Variants in DAGLA observed in about 807,000 individuals in gnomAD.
The protein encoded by DAGLA is diacylglycerol lipase-alpha.
A neutral mutation model predicts 102.6 loss-of-function variants in DAGLA; 22 were observed. The ratio of observed to expected loss-of-function variants is 0.21; its 90% CI spans 0.15 to 0.31. The LOEUF (loss-of-function observed/expected upper bound fraction) is 0.31. DAGLA is among the 10% of genes least tolerant of loss of function. The pLI is 1.00. For missense variants in DAGLA, 927 were observed against 1,446.6 expected, an observed-to-expected ratio of 0.64 and a Z score of 5.83; for synonymous variants, 578 against 628.9, an observed-to-expected ratio of 0.92 and a Z score of 1.21.
chr11:61,690,028 C>A (rs1038694863), intron 1 of DAGLA, among the ~76,000 whole-genome samples: 3 of 152,138 alleles, frequency 2.0e-5, no homozygotes, highest in African/African-American at 7.2e-5. Context: ...AATGGGAGTG[C>A]AGCCCACCGG....
At chr11:61,701,124 C>T (rs577598531) in intron 1 of DAGLA, among the ~76,000 whole-genome samples, 3 of 152,246 alleles carry the variant, frequency 2.0e-5, no homozygotes, top group African/African-American at 7.2e-5. Flanking sequence ...CCTGGATTCT[C>T]TGACACCAAG....
chr11:61,693,022 T>C (rs1482266444), intron 1 of DAGLA, among the ~76,000 whole-genome samples: 2 of 151,798 alleles, frequency 1.3e-5, no homozygotes, highest in African/African-American at 4.8e-5. Context: ...CTATTTTTTT[T>C]TTTTTTGGTG....
At chr11:61,711,240 G>T (rs1419642031) in intron 1 of DAGLA, among the ~76,000 whole-genome samples, 2 of 152,194 alleles carry the variant, frequency 1.3e-5, no homozygotes, top group Admixed American at 6.5e-5. Context: ...CGGCCTTTGC[G>T]TGAGGGCTTG....
At chr11:61,738,057 C>A in intron 15 of DAGLA, 78 bp from the exon 16 acceptor site, 1 of 1,168,506 alleles carries the variant, frequency 8.6e-7, no homozygotes, top group Non-Finnish European at 1.3e-6. Context: ...CGTGTGCCTG[C>A]CCCTCCGCCC....
intron 5 of DAGLA, 83 bp downstream of exon 5, chr11:61,723,655 C>A: frequency 6.5e-7 from 1 of 1,537,564 alleles, no homozygotes. Context: ...AGAAGGCTAC[C>A]CCAGGCCTCC....
intron 1 of DAGLA, among the ~76,000 whole-genome samples, chr11:61,709,002 C>G (rs1263561796): frequency 6.6e-6 from 1 of 152,172 alleles, no homozygotes; most frequent in Non-Finnish European, 1.5e-5. Context: ...AGGCCCAGGT[C>G]TCTAAGCTTC....
Position 61,743,793 on chromosome 11 carries a change from T to G in DAGLA, c.2433T>G (p.Ala811=). The G allele has an allele frequency of 2.5e-6, 4 of 1,612,542 alleles. No homozygotes were observed. Among genetic ancestry groups the G allele is most frequent in the Non-Finnish European group, 3.4e-6 (4 of 1,179,934 alleles). Reference sequence around the variant, plus strand: ...TCCGGGGCTCCCCCAGCCTCCACGCTGTGCTGGAGCGTGATGAAGGCCACC... The same window carrying G: ...TCCGGGGCTCCCCCAGCCTCCACGCGGTGCTGGAGCGTGATGAAGGCCACC... ...RSIRGSPSLH[A]VLERDEGHLF... is the part of the protein sequence containing the mutation. Residue 811 remains alanine (A), a synonymous_variant, in exon 20 of 20, where the codon GCT becomes GCG. Transcript: ENST00000257215.
At chr11:61,739,760 G>T in intron 17 of DAGLA, 99 bp downstream of exon 17, 1 of 1,283,916 alleles carries the variant, frequency 7.8e-7, no homozygotes, top group East Asian at 2.5e-5. Flanking sequence ...TCGGGGCTGG[G>T]GGTGGAGGCT....
At chr11:61,692,909 G>T (rs906872467) in intron 1 of DAGLA, among the ~76,000 whole-genome samples, 4 of 151,710 alleles carry the variant, frequency 2.6e-5, no homozygotes, top group African/African-American at 9.7e-5. Context: ...ATGCCGAATG[G>T]TCCCACAATT....
intron 5 of DAGLA, among the ~76,000 whole-genome samples, chr11:61,725,396 G>A (rs2065316964): frequency 6.6e-6 from 1 of 152,158 alleles, no homozygotes; most frequent in Admixed American, 6.5e-5. Context: ...TGGGTGAGGG[G>A]TAGAGCCCTC....
intron 16 of DAGLA, 66 bp downstream of exon 16, chr11:61,738,273 G>A (rs541294185): frequency 1.8e-5 from 25 of 1,369,388 alleles, no homozygotes; most frequent in South Asian, 9.7e-5. Context: ...GACCCCCACC[G>A]GTTTCTTGGG....
In DAGLA at chr11:61,738,186, G is replaced by T. The variant is rs753217078; in HGVS notation, c.1635G>T (p.Leu545=). 9.3e-6 allele frequency: 15 copies of T among 1,613,006 alleles called. No homozygotes were observed. Among genetic ancestry groups the T allele is most frequent in the Non-Finnish European group, 1.3e-5 (15 of 1,179,982 alleles). Residue 545 remains leucine, a synonymous_variant, in exon 16 of 20, where the codon CTG becomes CTT. Coordinates refer to ENST00000257215, the MANE Select transcript of DAGLA (RefSeq NM_006133.3). ...TCCGCAGACAGCTCCTGGATGTCCT[G>T]CAGCGAAGCACCAAGCCCAAAGTGA... ...EGFRRQLLDV[L]QRSTKPKWRI...
At chr11:61,740,700 G>C in intron 18 of DAGLA, 108 bp downstream of exon 18, 1 of 1,445,102 alleles carries the variant, frequency 6.9e-7, no homozygotes, top group African/African-American at 1.4e-5. Context: ...CAAGGGTGCT[G>C]GGGCTCAGAG....
chr11:61,706,931 C>G (rs1416727988), intron 1 of DAGLA, among the ~76,000 whole-genome samples: 4 of 152,280 alleles, frequency 2.6e-5, no homozygotes, highest in Non-Finnish European at 5.9e-5. Flanking sequence ...CACTGCTGGT[C>G]TCTCTCAGAC....
chr11:61,701,500 G>A (rs569532167), intron 1 of DAGLA, among the ~76,000 whole-genome samples: 53 of 152,358 alleles, frequency 3.5e-4, no homozygotes, highest in African/African-American at 7.0e-4. Flanking sequence ...GAAAGCAGCC[G>A]GGATTCGATG....
At chr11:61,698,719 G>T (rs956708050) in intron 1 of DAGLA, among the ~76,000 whole-genome samples, 1 of 152,210 alleles carries the variant, frequency 6.6e-6, no homozygotes, top group Non-Finnish European at 1.5e-5. Flanking sequence ...TTGAGCAGCT[G>T]CTAGGCACCA....
chr11:61,694,512 C>T (rs1274658358), intron 1 of DAGLA, among the ~76,000 whole-genome samples: 3 of 152,222 alleles, frequency 2.0e-5, no homozygotes, highest in African/African-American at 7.2e-5. Context: ...TTGGACCTGA[C>T]ATTGGCCTCA....
At chr11:61,705,836 C>T (rs546715307) in intron 1 of DAGLA, among the ~76,000 whole-genome samples, 41 of 152,322 alleles carry the variant, frequency 2.7e-4, no homozygotes, top group African/African-American at 8.9e-4. Context: ...CTGTTTCCAG[C>T]CTTTTCTACT....
intron 15 of DAGLA, 103 bp downstream of exon 15, chr11:61,737,858 G>T: frequency 9.6e-7 from 1 of 1,040,068 alleles, no homozygotes; most frequent in Non-Finnish European, 1.5e-6. Context: ...TCCGATTCCT[G>T]TCTCTCAAGG....
Sources: gnomAD v4.1 joint callset for allele counts (sites outside exome capture counted in the v4.1 genomes callset) on GRCh38, gnomAD v4.1.1 for gene constraint, MANE v1.5 for transcripts, NCBI Gene and HGNC (gene_info 2026-07-23, HGNC 2026-07-21) for gene names.